The following FREM2 variants were observed in gnomAD, a reference collection of about 807,000 sequenced individuals.
FREM2 encodes the protein FRAS1 related extracellular matrix 2.
A neutral mutation model predicts 219.9 loss-of-function variants in FREM2; 119 were observed. That is an observed-to-expected ratio of 0.54 (90% CI 0.47 to 0.63). FREM2 has a LOEUF of 0.63. FREM2 is among the 30% of genes least tolerant of loss of function. The probability of loss-of-function intolerance (pLI) is 0.00; values close to 1 mark genes in which losing one functional copy is unlikely to be tolerated. For synonymous variants in FREM2, 1,562 were observed against 1,522.8 expected (o/e 1.03, Z -0.60); for missense variants, 4,030 against 3,993.6 (o/e 1.01, Z -0.25).
intron 2 of FREM2, among the ~76,000 whole-genome samples, chr13:38,748,520 A>G (rs1872574198): frequency 6.6e-6 from 1 of 152,172 alleles, no homozygotes. Context: ...ACTTGTCCCA[A>G]ATTATGCGCT....
chr13:38,827,526 T>C (rs999316283), intron 6 of FREM2: 1 of 152,160 alleles, frequency 6.6e-6, no homozygotes, highest in African/African-American at 2.4e-5. Context: ...CCAGACTGTA[T>C]GTTTCTCATT....
chr13:38,785,025 G>GT (rs1294434613), intron 6 of FREM2, among the ~76,000 whole-genome samples: 3 of 152,204 alleles, frequency 2.0e-5, no homozygotes, highest in African/African-American at 7.2e-5. Flanking sequence ...AATTATGTGA[G>GT]TTTTTTCCGC....
At chr13:38,753,006 A>G (rs1235137083) in intron 2 of FREM2, among the ~76,000 whole-genome samples, 1 of 152,194 alleles carries the variant, frequency 6.6e-6, no homozygotes, top group Non-Finnish European at 1.5e-5. Context: ...CAGAGATCTA[A>G]TAAATTTATT....
In FREM2 at chr13:38,861,571, C is replaced by T. The variant is rs1355571344; in HGVS notation, c.7651+9C>T. The T allele has an allele frequency of 1.9e-6, 3 of 1,613,626 alleles. No homozygotes were observed. Among genetic ancestry groups the T allele is most frequent in the African/African-American group, 1.3e-5 (1 of 74,842 alleles). Reference sequence around the variant, plus strand: ...AATGCCACACATAGATGGTAGGTGACTTGGGTAAGCAAATCCATGGAATTG... The same window carrying T: ...AATGCCACACATAGATGGTAGGTGATTTGGGTAAGCAAATCCATGGAATTG... On this transcript the variant is annotated intron_variant, in intron 15 of 23. Transcript: ENST00000280481.
Position 38,848,586 on chromosome 13 carries a change from GA to G in FREM2, c.6297del (p.Glu2099AspfsTer8). The G allele has an allele frequency of 6.2e-7, 1 of 1,614,056 alleles. No homozygotes were observed. Among genetic ancestry groups the G allele is most frequent in the Non-Finnish European group, 8.5e-7 (1 of 1,179,978 alleles). On this transcript the variant is annotated frameshift_variant, in exon 8 of 24. Transcript: ENST00000280481. LOFTEE classifies it high-confidence loss of function. The part of the protein sequence containing the change: ...QPALEGIEKF[E>X]LVLRMPMNAA... Reference sequence around the variant, plus strand: ...AGCGCTGGAGGGAATTGAGAAATTTGAACTGGTGCTTCGCATGCCTATGAAC... The same window carrying G: ...AGCGCTGGAGGGAATTGAGAAATTTGACTGGTGCTTCGCATGCCTATGAAC...
intron 21 of FREM2, 31 bp downstream of exon 21, chr13:38,877,274 G>C (rs775877383): frequency 1.9e-6 from 3 of 1,611,022 alleles, no homozygotes; most frequent in African/African-American, 1.3e-5. Flanking sequence ...GGGATGCTCT[G>C]TTTGTCATGT....
At chr13:38,865,338 TG>T (rs1877927000) in intron 16 of FREM2, among the ~76,000 whole-genome samples, 1 of 152,212 alleles carries the variant, frequency 6.6e-6, no homozygotes, top group South Asian at 2.1e-4. Context: ...GATCTTCTTG[TG>T]GGTTACAATA....
intron 1 of FREM2, among the ~76,000 whole-genome samples, chr13:38,693,559 C>G (rs1329561532): frequency 6.6e-6 from 1 of 152,184 alleles, no homozygotes; most frequent in Non-Finnish European, 1.5e-5. Context: ...ATGCAACTTT[C>G]ATTACAGTGG....
At chr13:38,880,099 A>G (rs1344209522) in intron 23 of FREM2, among the ~76,000 whole-genome samples, 185 bp from the exon 24 acceptor site, 1 of 152,234 alleles carries the variant, frequency 6.6e-6, no homozygotes, top group Admixed American at 6.5e-5. Flanking sequence ...GTTGCACAGG[A>G]TATATCACAG....
chr13:38,850,333 A>T, intron 9 of FREM2, 98 bp downstream of exon 9: 3 of 943,922 alleles, frequency 3.2e-6, no homozygotes, highest in Non-Finnish European at 5.0e-6. Flanking sequence ...GATATCAACA[A>T]GCATATGGCA....
chr13:38,756,551 G>A (rs576237912), intron 2 of FREM2, among the ~76,000 whole-genome samples: 39 of 137,548 alleles, frequency 2.8e-4, no homozygotes, highest in African/African-American at 1.0e-3. Context: ...TTTTTGAGAC[G>A]GAGTGTCACT....
chr13:38,687,773 G>GC lies in FREM2; in HGVS notation c.430dup (p.Arg144ProfsTer15). Reference sequence around the variant, plus strand: ...AGGTGCGCTACTCTCACCTGGGCGCGCGCAGCCCGTCTCGGGACCGCGTCC... The same window carrying GC: ...AGGTGCGCTACTCTCACCTGGGCGCGCCGCAGCCCGTCTCGGGACCGCGTCC... On this transcript the variant is annotated frameshift_variant, in exon 1 of 24. Transcript: ENST00000280481. LOFTEE classifies it high-confidence loss of function. 6.5e-7 allele frequency: 1 copy of GC among 1,538,342 alleles called. No homozygotes were observed. The highest frequency in any genetic ancestry group is 1.3e-5 in the South Asian group (1 of 79,070).
At chr13:38,715,047 G>A (rs1427716282) in intron 2 of FREM2, among the ~76,000 whole-genome samples, 2 of 152,132 alleles carry the variant, frequency 1.3e-5, no homozygotes, top group Non-Finnish European at 2.9e-5. Context: ...AGCCGAGATC[G>A]TGCCATTGCA....
At chr13:38,787,028 G>A (rs1354039983) in intron 6 of FREM2, among the ~76,000 whole-genome samples, 1 of 152,146 alleles carries the variant, frequency 6.6e-6, no homozygotes, top group Non-Finnish European at 1.5e-5. Flanking sequence ...AATATTCATA[G>A]AACATTTTAC....
intron 3 of FREM2, among the ~76,000 whole-genome samples, chr13:38,768,334 C>T (rs953487821): frequency 4.6e-5 from 7 of 152,090 alleles, no homozygotes; most frequent in Non-Finnish European, 5.9e-5. Context: ...GGCTGGAGCA[C>T]AGTGGCATAA....
At position 38,846,686 on chromosome 13, in the gene FREM2, G is replaced by A; in HGVS notation, c.6133G>A (p.Val2045Met). Residue 2045 changes from valine to methionine, a missense_variant, in exon 7 of 24, where the codon GTG (valine) becomes ATG (methionine). By Grantham distance (21) the Val-to-Met change is conservative. This residue lies in a region of FREM2 where 3,102 missense variants were observed against 2,950.7 expected (regional missense o/e 1.05). Transcript: ENST00000280481. ...TDLSKSSSVT[V>M]RSRKTDPPSA... ...CCTGTCCAAGTCTTCTAGTGTCACA[G>A]TGAGGTCTCGGAAAACAGATCCTCC... The A allele has an allele frequency of 2.5e-6, 4 of 1,613,882 alleles. No individual in the cohort carries two copies. Among genetic ancestry groups the A allele is most frequent in the Non-Finnish European group, 3.4e-6 (4 of 1,179,826 alleles).
intron 11 of FREM2, among the ~76,000 whole-genome samples, chr13:38,852,625 T>C (rs978805357): frequency 1.3e-5 from 2 of 151,918 alleles, no homozygotes; most frequent in Non-Finnish European, 2.9e-5. Flanking sequence ...ACAGAGACAA[T>C]GAATTCTCTA....
chr13:38,809,217 G>C (rs888163355), intron 6 of FREM2, among the ~76,000 whole-genome samples: 3 of 149,668 alleles, frequency 2.0e-5, no homozygotes, highest in African/African-American at 7.3e-5. Context: ...GAATTTTTCA[G>C]CTCCAAGATT....
chr13:38,794,162 G>A (rs1426486975), intron 6 of FREM2, among the ~76,000 whole-genome samples: 1 of 152,062 alleles, frequency 6.6e-6, no homozygotes, highest in Non-Finnish European at 1.5e-5. Context: ...TGCAAAAGTG[G>A]ACCTAGTATG....
Sources: gnomAD v4.1 joint callset for allele counts (sites outside exome capture counted in the v4.1 genomes callset) on GRCh38, gnomAD v4.1.1 for gene constraint, gnomAD v4.1.1 regional missense constraint, MANE v1.5 for transcripts, NCBI Gene and HGNC (gene_info 2026-07-23, HGNC 2026-07-21) for gene names.